The following TAFA5 variants were observed in gnomAD, a reference collection of about 807,000 sequenced individuals.
TAFA5 encodes the protein TAFA chemokine like family member 5, also known as chemokine-like protein TAFA-5.
TAFA5 carries 6 observed loss-of-function variants against 15.3 expected under a neutral mutation model. That is an observed-to-expected ratio of 0.39 (90% CI 0.21 to 0.77). The LOEUF (loss-of-function observed/expected upper bound fraction) is 0.77. Ranked by LOEUF, TAFA5 falls within the 30% of genes least tolerant of loss-of-function variation. The pLI is 0.41. For synonymous variants in TAFA5, 103 were observed against 80.7 expected (o/e 1.28, Z -1.48); for missense variants, 161 against 193.1 (o/e 0.83, Z 0.98).
chr22:48,729,093 A>G (rs1246552487), intron 3 of TAFA5, among the ~76,000 whole-genome samples: 1 of 151,984 alleles, frequency 6.6e-6, no homozygotes, highest in Non-Finnish European at 1.5e-5. Context: ...AGGAATAGAT[A>G]AATGTTAATA....
At chr22:48,606,106 C>A (rs954236990) in intron 1 of TAFA5, among the ~76,000 whole-genome samples, 1 of 152,180 alleles carries the variant, frequency 6.6e-6, no homozygotes, top group Non-Finnish European at 1.5e-5. Flanking sequence ...TGCTGGTGCA[C>A]CTGCCCCAAG....
chr22:48,507,089 G>A (rs556408591), intron 1 of TAFA5, among the ~76,000 whole-genome samples: 1 of 152,300 alleles, frequency 6.6e-6, no homozygotes, highest in South Asian at 2.1e-4. Flanking sequence ...CAAGGGCCAG[G>A]TATGCAGTTG....
intron 1 of TAFA5, among the ~76,000 whole-genome samples, chr22:48,553,459 G>T (rs896994788): frequency 6.6e-6 from 1 of 152,202 alleles, no homozygotes; most frequent in Non-Finnish European, 1.5e-5. Context: ...TTCCCTGGCC[G>T]CATGCACTGG....
At chr22:48,746,015 T>C (rs130229) in intron 3 of TAFA5, among the ~76,000 whole-genome samples, 50,529 of 152,084 alleles carry the variant, frequency 0.33, 9,417 homozygotes, top group Non-Finnish European at 0.43. Context: ...ACACACAGGA[T>C]GCAGCCTCCA....
intron 2 of TAFA5, chr22:48,693,336 A>G: frequency 6.2e-7 from 1 of 1,612,370 alleles, no homozygotes; most frequent in Non-Finnish European, 8.5e-7. Context: ...GGGAAAAACC[A>G]GGAAAGCACA....
intron 2 of TAFA5, among the ~76,000 whole-genome samples, chr22:48,703,727 G>A (rs1247882733): frequency 6.6e-6 from 1 of 152,260 alleles, no homozygotes; most frequent in Non-Finnish European, 1.5e-5. Context: ...CGGTAGTGAA[G>A]GATTTGGGCC....
intron 1 of TAFA5, among the ~76,000 whole-genome samples, chr22:48,525,183 T>C (rs921380672): frequency 4.6e-5 from 7 of 152,034 alleles, no homozygotes; most frequent in Non-Finnish European, 8.8e-5. Context: ...CCCTTTGCCA[T>C]GTAGGGTGAC....
In TAFA5 at chr22:48,608,000, T is replaced by G. The variant is rs375804240; in HGVS notation, c.113-38597T>G. ...CCCCGGGCCCATCCCTCTCCAGGCC[T>G]GGGGAACGTGGAGGGAATTCTCACA... On this transcript the variant is annotated intron_variant, in intron 1 of 3. Transcript: ENST00000402357. 4.0e-5 allele frequency among the ~76,000 whole-genome samples: 5 copies of G among 125,010 alleles called. No individual in the cohort carries two copies. The East Asian group carries it at 5.9e-4, about 15-fold the overall frequency. The allele number at this position is 125,010 out of a possible 152,430, so 82.0% of individuals were successfully genotyped here.
chr22:48,676,477 G>A (rs1045178321), intron 2 of TAFA5, among the ~76,000 whole-genome samples: 1 of 152,238 alleles, frequency 6.6e-6, no homozygotes, highest in Non-Finnish European at 1.5e-5. Context: ...AGGCGCAGGG[G>A]GAACAGCCAT....
intron 1 of TAFA5, 41 bp from the exon 2 acceptor site, chr22:48,646,556 G>T: frequency 5.0e-6 from 8 of 1,603,514 alleles, no homozygotes; most frequent in Non-Finnish European, 6.0e-6. Context: ...TGGGGTGTCT[G>T]TAACGTGTGG....
intron 1 of TAFA5, among the ~76,000 whole-genome samples, chr22:48,610,840 C>T (rs1022601500): frequency 1.3e-5 from 2 of 152,206 alleles, no homozygotes; most frequent in South Asian, 4.1e-4. Flanking sequence ...TCTGCTTCCC[C>T]CTCCCAGACT....
At chr22:48,581,527 G>A (rs938512972) in intron 1 of TAFA5, among the ~76,000 whole-genome samples, 2 of 152,214 alleles carry the variant, frequency 1.3e-5, no homozygotes, top group African/African-American at 4.8e-5. Flanking sequence ...CCGTCTCTGG[G>A]CGCGCGGAGC....
chr22:48,599,709 C>T (rs1015057161), intron 1 of TAFA5, among the ~76,000 whole-genome samples: 20 of 152,370 alleles, frequency 1.3e-4, no homozygotes, highest in East Asian at 5.8e-4. Flanking sequence ...CACACAGAGA[C>T]GTGTTGGCTG....
rs370781377 is a variant in TAFA5, at chr22:48,567,901, G to A, written c.112+78197G>A. Among the ~76,000 whole-genome samples, 72 of 152,312 alleles carry A rather than the reference G, an allele frequency of 4.7e-4. 2 individuals carry two copies. The South Asian group carries it at 0.014, about 30-fold the overall frequency. On this transcript the variant is annotated intron_variant, in intron 1 of 3. Transcript: ENST00000402357. ...CAAGGTGCTGGGCAGGCCTGGGAAC[G>A]GGCAGAGGTTTGGCTGCACTGGAGT...
intron 3 of TAFA5, among the ~76,000 whole-genome samples, chr22:48,711,932 G>A (rs1929267585): frequency 6.6e-6 from 1 of 152,248 alleles, no homozygotes; most frequent in South Asian, 2.1e-4. Context: ...CACGGGCGCT[G>A]GGCCTAAGGG....
At chr22:48,492,933 G>A (rs1264796717) in intron 1 of TAFA5, among the ~76,000 whole-genome samples, 3 of 152,340 alleles carry the variant, frequency 2.0e-5, no homozygotes, top group African/African-American at 7.2e-5. Context: ...GAGTAGAGAA[G>A]TCTGTCTGCC....
chr22:48,724,389 C>T (rs945665430), intron 3 of TAFA5, among the ~76,000 whole-genome samples: 18 of 152,326 alleles, frequency 1.2e-4, no homozygotes, highest in Non-Finnish European at 2.2e-4. Context: ...CTTCCCTCCT[C>T]CCGACACCTG....
chr22:48,672,748 C>A (rs899862540), intron 2 of TAFA5, among the ~76,000 whole-genome samples: 3 of 152,200 alleles, frequency 2.0e-5, no homozygotes, highest in African/African-American at 7.2e-5. Flanking sequence ...CCTTTGGGCA[C>A]TTTGCATGGG....
intron 1 of TAFA5, chr22:48,544,682 C>A: frequency 2.1e-6 from 1 of 471,196 alleles, no homozygotes; most frequent in East Asian, 6.9e-5. Context: ...TCTGGACTTG[C>A]TGTGTCCCTG....
Sources: gnomAD v4.1 joint callset for allele counts (sites outside exome capture counted in the v4.1 genomes callset) on GRCh38, gnomAD v4.1.1 for gene constraint, MANE v1.5 for transcripts, NCBI Gene and HGNC (gene_info 2026-07-23, HGNC 2026-07-21) for gene names.